The following OPCML variants were observed in gnomAD, a reference collection of about 807,000 sequenced individuals.
The protein encoded by OPCML is opioid binding protein/cell adhesion molecule like.
OPCML carries 13 observed loss-of-function variants against 37.8 expected under a neutral mutation model. That is an observed-to-expected ratio of 0.34 (90% CI 0.22 to 0.55). The LOEUF is 0.55. Among genes scored for constraint, OPCML ranks in the 20% least tolerant of loss-of-function variants. The pLI is 0.91. For synonymous variants in OPCML, 176 were observed against 168.8 expected (o/e 1.04, Z -0.33); for missense variants, 341 against 435.6 (o/e 0.78, Z 1.93).
chr11:132,934,079 A>T (rs1241781672), intron 2 of OPCML, among the ~76,000 whole-genome samples: 1 of 152,206 alleles, frequency 6.6e-6, no homozygotes, highest in Non-Finnish European at 1.5e-5. Flanking sequence ...ATTACACATA[A>T]GCAGGGTAGA....
intron 3 of OPCML, among the ~76,000 whole-genome samples, chr11:132,587,388 T>A (rs2096475238): frequency 6.6e-6 from 1 of 152,184 alleles, no homozygotes; most frequent in Non-Finnish European, 1.5e-5. Flanking sequence ...CATCAAATCA[T>A]AAGATTGGGC....
intron 2 of OPCML, among the ~76,000 whole-genome samples, chr11:132,801,459 C>G (rs1306469505): frequency 6.6e-6 from 1 of 152,148 alleles, no homozygotes; most frequent in Non-Finnish European, 1.5e-5. Context: ...GGTATACCAG[C>G]CCTCTCAACA....
At chr11:133,525,862 G>A (rs540940230) in intron 1 of OPCML, among the ~76,000 whole-genome samples, 19 of 152,274 alleles carry the variant, frequency 1.2e-4, no homozygotes, top group East Asian at 1.9e-4. Context: ...TCCAATCAAC[G>A]GCCTGTGTCC....
chr11:132,769,220 T>G (rs1054749104), intron 2 of OPCML, among the ~76,000 whole-genome samples: 5 of 151,578 alleles, frequency 3.3e-5, no homozygotes, highest in African/African-American at 1.2e-4. Context: ...TTTTGTATTT[T>G]TTTGTTTTTT....
intron 1 of OPCML, among the ~76,000 whole-genome samples, chr11:132,966,244 C>T (rs553949154): frequency 2.6e-4 from 39 of 152,120 alleles, no homozygotes; most frequent in African/African-American, 6.0e-4. Flanking sequence ...TAGTTTCATA[C>T]GTTTCAAAAT....
chr11:133,479,448 C>A (rs1947326833), intron 1 of OPCML, among the ~76,000 whole-genome samples: 1 of 152,202 alleles, frequency 6.6e-6, no homozygotes, highest in Non-Finnish European at 1.5e-5. Flanking sequence ...GGAGTTAAGA[C>A]AGGTAAATTG....
intron 1 of OPCML, among the ~76,000 whole-genome samples, chr11:133,324,279 T>C (rs372480043): frequency 2.0e-5 from 3 of 152,188 alleles, no homozygotes; most frequent in Non-Finnish European, 4.4e-5. Flanking sequence ...GCCTGCTCCA[T>C]GGTCTGAAAA....
intron 1 of OPCML, among the ~76,000 whole-genome samples, chr11:133,369,663 G>C (rs575548383): frequency 3.9e-5 from 6 of 152,122 alleles, no homozygotes; most frequent in Admixed American, 1.3e-4. Context: ...TTCCAAATGG[G>C]CTTGAAAAGA....
At position 132,520,699 on chromosome 11, in the gene OPCML, T is replaced by TGA. The variant is rs1431477168; in HGVS notation, c.505+8361_505+8362insTC. ...ATGTGTGTGTGTGTGTGTGTGTGTG[T>TGA]GTGTATGCATATAGTATTATATATA... On this transcript the variant is annotated intron_variant, in intron 4 of 7. Transcript: ENST00000524381. Among the ~76,000 whole-genome samples the TGA allele has an allele frequency of 1.6e-3, 236 of 149,440 alleles. 1 individual carries two copies. Among genetic ancestry groups the TGA allele is most frequent in the Admixed American group, 3.8e-3 (58 of 15,104 alleles).
At chr11:132,768,238 C>T (rs1477729591) in intron 2 of OPCML, among the ~76,000 whole-genome samples, 2 of 152,186 alleles carry the variant, frequency 1.3e-5, no homozygotes, top group African/African-American at 4.8e-5. Flanking sequence ...TTCCCAGTTC[C>T]CTACAGCTCC....
At chr11:132,846,221 G>A (rs778436936) in intron 2 of OPCML, among the ~76,000 whole-genome samples, 2 of 152,068 alleles carry the variant, frequency 1.3e-5, no homozygotes, top group Non-Finnish European at 2.9e-5. Context: ...TACAGCCAAG[G>A]GCCTCATTGT....
chr11:132,642,632 T>C (rs1565738292), intron 3 of OPCML, among the ~76,000 whole-genome samples: 1 of 152,178 alleles, frequency 6.6e-6, no homozygotes, highest in African/African-American at 2.4e-5. Flanking sequence ...CTCAGAAGCA[T>C]TTTCAGGAAT....
At chr11:133,063,025 T>C (rs1252076960) in intron 1 of OPCML, among the ~76,000 whole-genome samples, 2 of 152,204 alleles carry the variant, frequency 1.3e-5, no homozygotes, top group Non-Finnish European at 2.9e-5. Flanking sequence ...GGGGCCAGCA[T>C]GGGGCTTTGG....
At chr11:133,473,999 C>T (rs558327278) in intron 1 of OPCML, among the ~76,000 whole-genome samples, 1 of 152,252 alleles carries the variant, frequency 6.6e-6, no homozygotes, top group African/African-American at 2.4e-5. Context: ...TAAAGCAAAG[C>T]TATTACTGAC....
chr11:133,320,671 C>T (rs1277579172), intron 1 of OPCML, among the ~76,000 whole-genome samples: 1 of 152,104 alleles, frequency 6.6e-6, no homozygotes, highest in African/African-American at 2.4e-5. Flanking sequence ...AAAATAAAAA[C>T]TCTTAAAATT....
chr11:132,431,270 A>G (rs1437083656), intron 7 of OPCML, among the ~76,000 whole-genome samples: 5 of 152,240 alleles, frequency 3.3e-5, no homozygotes, highest in Non-Finnish European at 4.4e-5. Context: ...GAAAGCTGAA[A>G]GTAACCTTGG....
intron 2 of OPCML, among the ~76,000 whole-genome samples, chr11:132,686,604 C>A (rs1339805662): frequency 6.6e-6 from 1 of 152,186 alleles, no homozygotes; most frequent in Non-Finnish European, 1.5e-5. Flanking sequence ...GTATCAATGA[C>A]CTCTCATTAG....
intron 1 of OPCML, among the ~76,000 whole-genome samples, chr11:133,114,431 T>C (rs1038451230): frequency 1.3e-5 from 2 of 152,180 alleles, no homozygotes; most frequent in Admixed American, 1.3e-4. Context: ...ATATTCAAAA[T>C]CTTATAATTA....
chr11:133,455,267 A>C (rs1280974368), intron 1 of OPCML, among the ~76,000 whole-genome samples: 1 of 152,216 alleles, frequency 6.6e-6, no homozygotes, highest in African/African-American at 2.4e-5. Flanking sequence ...TCTTCTTAGA[A>C]CAGAAAACAC....
Sources: allele counts gnomAD v4.1 joint callset (sites outside exome capture counted in the v4.1 genomes callset), GRCh38; gene constraint gnomAD v4.1.1; transcripts MANE v1.5; gene names NCBI Gene and HGNC (gene_info 2026-07-23, HGNC 2026-07-21).